The following CD99L2 variants were observed in gnomAD, a reference collection of about 807,000 sequenced individuals.
CD99L2 encodes CD99 molecule like 2.
Under a neutral mutation model 27.3 loss-of-function variants are expected in CD99L2, and 24 were observed. The ratio of observed to expected loss-of-function variants is 0.88; its 90% CI spans 0.64 to 1.24. The LOEUF (loss-of-function observed/expected upper bound fraction) is 1.24. Among genes scored for constraint, CD99L2 ranks in the 50% most tolerant of loss-of-function variants. The probability of loss-of-function intolerance (pLI) is 0.00; values close to 1 mark genes in which losing one functional copy is unlikely to be tolerated. For synonymous variants in CD99L2, 97 were observed against 87.9 expected (o/e 1.10, Z -0.58); for missense variants, 255 against 221.6 (o/e 1.15, Z -0.96).
At chrX:150,774,511 G>A (rs1421058872) in intron 9 of CD99L2, among the ~76,000 whole-genome samples, 1 of 111,959 alleles carries the variant, frequency 8.9e-6, no homozygotes, top group Non-Finnish European at 1.9e-5. Context: ...TCCCCATCTC[G>A]TTCCAATCCA....
intron 9 of CD99L2, among the ~76,000 whole-genome samples, chrX:150,770,685 G>A (rs1228312891): frequency 1.8e-5 from 2 of 113,071 alleles, no homozygotes; most frequent in African/African-American, 6.4e-5. Context: ...TGGAGGGGGC[G>A]CCCGATGGCA....
At chrX:150,771,592 C>G (rs1557419077) in intron 9 of CD99L2, among the ~76,000 whole-genome samples, 2 of 112,194 alleles carry the variant, frequency 1.8e-5, no homozygotes, top group South Asian at 7.4e-4. Context: ...CCCCCCACCC[C>G]TGCCACATCC....
Position 150,793,727 on chromosome X carries a change from C to T in CD99L2, c.460G>A (p.Val154Ile), listed in dbSNP as rs782447228. The stretch of plus-strand genomic sequence containing the variant: ...TCAGGTTTGTATTCTCCACCCCCTA[C>T]TATGTCTTCAAGATCCTTGTCTGAA... Reference protein sequence around the residue: ...GFSDKDLEDIVGGGEYKPDKG... With the variant: ...GFSDKDLEDIIGGGEYKPDKG... Residue 154 changes from valine (V) to isoleucine (I), a missense_variant, in exon 7 of 11, where the codon GTA (valine) becomes ATA (isoleucine). Transcript: ENST00000370377. 8.4e-7 allele frequency: 1 copy of T among 1,197,589 alleles called. No individual in the cohort carries two copies. The highest frequency in any genetic ancestry group is 1.8e-5 in the African/African-American group (1 of 56,564).
At chrX:150,782,557 C>T (rs73638266) in intron 7 of CD99L2, among the ~76,000 whole-genome samples, 1,313 of 112,307 alleles carry the variant, frequency 0.012, 17 homozygotes, top group African/African-American at 0.04. Context: ...GCCATGTTCA[C>T]GCCGTGTTCC....
chrX:150,801,623 G>GA lies in CD99L2; in HGVS notation c.278-6138dup, dbSNP rs1393869441. Among the ~76,000 whole-genome samples the GA allele has an allele frequency of 5.3e-3, 559 of 104,634 alleles. 7 individuals carry two copies. Among genetic ancestry groups the GA allele is most frequent in the Middle Eastern group, 0.015 (3 of 206 alleles). The allele number at this position is 104,634 out of a possible 115,157, so 90.9% of individuals were successfully genotyped here. A position where few individuals can be genotyped will look rare whatever the true frequency, so the allele number is the denominator to read the frequency against. ...CAAACCAGATCAAGACCTTATTAAAGAAAAAAAAAACATATAGACTAATGT... is the reference window on the plus strand; with the variant it reads ...CAAACCAGATCAAGACCTTATTAAAGAAAAAAAAAAACATATAGACTAATGT... On this transcript the variant is annotated intron_variant, in intron 4 of 10. Coordinates refer to ENST00000370377, the MANE Select transcript of CD99L2 (RefSeq NM_031462.4).
chrX:150,796,649 A>C (rs1322068590), intron 4 of CD99L2, among the ~76,000 whole-genome samples: 2 of 112,608 alleles, frequency 1.8e-5, no homozygotes, highest in Non-Finnish European at 3.8e-5. Context: ...AACCAATGGG[A>C]TTTAATTGGC....
chrX:150,866,036 G>A (rs782201142), intron 1 of CD99L2, among the ~76,000 whole-genome samples: 78 of 112,033 alleles, frequency 7.0e-4, no homozygotes, highest in African/African-American at 1.8e-3. Context: ...TGGGAGAATC[G>A]CTTAAGCCCA....
chrX:150,777,481 AC>A lies in CD99L2; in HGVS notation c.497del (p.Gly166ValfsTer61), dbSNP rs782198864. On this transcript the variant is annotated frameshift_variant and splice_region_variant, in exon 8 of 11. Coordinates refer to ENST00000370377, the MANE Select transcript of CD99L2 (RefSeq NM_031462.4). LOFTEE classifies it high-confidence loss of function. ...CGTCATTGCTGCCGTACCGGCCATC[AC>A]CTGAAGAAAAGACAAAAGCACTTAG... The part of the protein sequence containing the change: ...GGEYKPDKGK[G>X]DGRYGSNDDP... 5.7e-5 allele frequency: 69 copies of A among 1,209,257 alleles called. No individual in the cohort carries two copies. The highest frequency in any genetic ancestry group is 7.5e-5 in the Non-Finnish European group (67 of 894,979).
At chrX:150,784,717 C>A (rs2045567943) in intron 7 of CD99L2, among the ~76,000 whole-genome samples, 1 of 112,777 alleles carries the variant, frequency 8.9e-6, no homozygotes, top group Non-Finnish European at 1.9e-5. Context: ...GGAGGTGTGA[C>A]AGAGAAGGCA....
At chrX:150,893,165 G>A (rs1382438522) in intron 1 of CD99L2, among the ~76,000 whole-genome samples, 1 of 112,160 alleles carries the variant, frequency 8.9e-6, no homozygotes, top group Non-Finnish European at 1.9e-5. Flanking sequence ...GGATAGGGAT[G>A]TGACCTATGA....
intron 1 of CD99L2, among the ~76,000 whole-genome samples, chrX:150,858,875 T>C (rs782114932): frequency 1.8e-5 from 2 of 110,979 alleles, no homozygotes; most frequent in East Asian, 5.7e-4. Flanking sequence ...GAGATTAAAA[T>C]ACAAAGAATC....
In CD99L2 at chrX:150,768,965, T is replaced by C; in HGVS notation, c.*69A>G. 9.1e-7 allele frequency: 1 copy of C among 1,101,354 alleles called. No homozygotes were observed. Among genetic ancestry groups the C allele is most frequent in the East Asian group, 3.6e-5 (1 of 28,158 alleles). The allele number at this position is 1,101,354 out of a possible 1,213,427, so 90.8% of individuals were successfully genotyped here. ...GCAGCACAGCAGCTGCGGGTCCAAA[T>C]GAAGGGGTGGGGGGAGCCGGGTGAC... On this transcript the variant is annotated 3_prime_UTR_variant, in exon 11 of 11. Coordinates refer to ENST00000370377, the MANE Select transcript of CD99L2 (RefSeq NM_031462.4).
chrX:150,800,963 G>A (rs1394280728), intron 4 of CD99L2, among the ~76,000 whole-genome samples: 3 of 109,341 alleles, frequency 2.7e-5, no homozygotes, highest in Middle Eastern at 4.7e-3. Context: ...CCTGGGAGGC[G>A]GAGGTTACAG....
chrX:150,887,950 G>C (rs2047440145), intron 1 of CD99L2, among the ~76,000 whole-genome samples: 1 of 112,240 alleles, frequency 8.9e-6, no homozygotes. Flanking sequence ...TAGGAGAACT[G>C]GGATACGCTC....
intron 4 of CD99L2, among the ~76,000 whole-genome samples, chrX:150,800,914 C>T (rs1467158512): frequency 9.2e-6 from 1 of 109,235 alleles, no homozygotes; most frequent in Non-Finnish European, 1.9e-5. Flanking sequence ...GCCTATAATC[C>T]CGGCTACTCG....
chrX:150,894,260 A>C (rs2047568402), intron 1 of CD99L2, among the ~76,000 whole-genome samples: 1 of 111,972 alleles, frequency 8.9e-6, no homozygotes, highest in Non-Finnish European at 1.9e-5. Context: ...GGTTTGCATC[A>C]CATATTTTTA....
intron 6 of CD99L2, 129 bp downstream of exon 6, chrX:150,795,077 A>T (rs2124114201): frequency 1.4e-6 from 1 of 707,087 alleles, no homozygotes; most frequent in Non-Finnish European, 2.2e-6. Flanking sequence ...AGACCAAAAA[A>T]GTTTGAGTAC....
chrX:150,853,434 G>T (rs1283134606), intron 1 of CD99L2, among the ~76,000 whole-genome samples: 3 of 110,719 alleles, frequency 2.7e-5, no homozygotes, highest in African/African-American at 9.9e-5. Context: ...CAGTTTCCTT[G>T]CCTGTAAAAT....
chrX:150,801,166 A>T (rs938134990), intron 4 of CD99L2, among the ~76,000 whole-genome samples: 2 of 112,078 alleles, frequency 1.8e-5, no homozygotes, highest in African/African-American at 6.5e-5. Context: ...GAAAGGAGAC[A>T]AGAGGAAATA....
Sources: gnomAD v4.1 joint callset for allele counts (sites outside exome capture counted in the v4.1 genomes callset) on GRCh38, gnomAD v4.1.1 for gene constraint, MANE v1.5 for transcripts, NCBI Gene and HGNC (gene_info 2026-07-23, HGNC 2026-07-21) for gene names.